The following SUFU variants were observed in gnomAD, a reference collection of about 807,000 sequenced individuals.
SUFU encodes suppressor of fused homolog.
In SUFU, 7 loss-of-function variants were observed where a neutral mutation model predicts 58.9. The ratio of observed to expected loss-of-function variants is 0.12; its 90% CI spans 0.07 to 0.22. SUFU has a LOEUF of 0.22. Among genes scored for constraint, SUFU ranks in the 10% least tolerant of loss-of-function variants. The pLI is 1.00. For synonymous variants in SUFU, 232 were observed against 254.8 expected, an observed-to-expected ratio of 0.91 and a Z score of 0.85; for missense variants, 451 against 641.3, an observed-to-expected ratio of 0.70 and a Z score of 3.20.
chr10:102,571,271 G>A (rs1221827013), intron 3 of SUFU, among the ~76,000 whole-genome samples: 1 of 152,308 alleles, frequency 6.6e-6, no homozygotes, highest in East Asian at 1.9e-4. Flanking sequence ...CACTAAGATG[G>A]CCAGTGACTG....
intron 3 of SUFU, among the ~76,000 whole-genome samples, chr10:102,562,927 A>G (rs1296718003): frequency 6.6e-6 from 1 of 152,188 alleles, no homozygotes; most frequent in Non-Finnish European, 1.5e-5. Context: ...CACCAATATC[A>G]TAGGTACTTA....
At chr10:102,595,723 A>C (rs1415240457) in intron 6 of SUFU, among the ~76,000 whole-genome samples, 1 of 152,158 alleles carries the variant, frequency 6.6e-6, no homozygotes, top group African/African-American at 2.4e-5. Context: ...TCTGTGCACC[A>C]AGTGTGAACT....
Position 102,618,929 on chromosome 10 carries a change from A to C in SUFU, c.1296+1501A>C. On this transcript the variant is annotated intron_variant, in intron 10 of 11. Coordinates refer to ENST00000369902, the MANE Select transcript of SUFU (RefSeq NM_016169.4). ...TCATCATTCCCAAGTGTCCTCAGGT[A>C]GCGTGTGTGTGTGTGTGTGTGTGTG... 6.5e-6 allele frequency: 4 copies of C among 619,764 alleles called. No individual in the cohort carries two copies. The African/African-American group carries it at 1.3e-4, about 20-fold the overall frequency. The allele number at this position is 619,764 out of a possible 1,614,324, so 38.4% of individuals were successfully genotyped here. A position where few individuals can be genotyped will look rare whatever the true frequency, so the allele number is the denominator to read the frequency against.
At position 102,504,342 on chromosome 10, in the gene SUFU, C is replaced by G. The variant is rs751208244; in HGVS notation, c.182+8C>G. 2.5e-6 allele frequency: 4 copies of G among 1,613,952 alleles called. No homozygotes were observed. In the East Asian group the frequency reaches 8.9e-5, roughly 36 times the overall value. On this transcript the variant is annotated splice_region_variant and intron_variant, in intron 1 of 11. Coordinates refer to ENST00000369902, the MANE Select transcript of SUFU (RefSeq NM_016169.4). Reference sequence around the variant, plus strand: ...CGCTATCGTCAAGTACTGGTATGCTCTGGGCCGCGGGGAGACGGACAGGCG... The same window carrying G: ...CGCTATCGTCAAGTACTGGTATGCTGTGGGCCGCGGGGAGACGGACAGGCG...
rs79718295 is a variant in SUFU at position 102,580,863 on chromosome 10, A to G, written c.455-11719A>G. Among the ~76,000 whole-genome samples the G allele has an allele frequency of 5.3e-3, 807 of 152,234 alleles. 4 individuals are homozygous for G. Among genetic ancestry groups the G allele is most frequent in the African/African-American group, 0.019 (770 of 41,538 alleles). On this transcript the variant is annotated intron_variant, in intron 3 of 11. Transcript: ENST00000369902. ...TTCTGGCAATAGACTAGGCACACAC[A>G]TCCCTATTCTCCTCTCTGGTCTAGA...
rs578015238 is a variant in SUFU at position 102,590,435 on chromosome 10, G to A, written c.455-2147G>A. 2.0e-5 allele frequency among the ~76,000 whole-genome samples: 3 copies of A among 152,216 alleles called. No homozygotes were observed. The East Asian group carries it at 5.8e-4, about 29-fold the overall frequency. On this transcript the variant is annotated intron_variant, in intron 3 of 11. Transcript: ENST00000369902. Reference sequence around the variant, plus strand: ...GTGCCTCGGCCTCCCAAAGTGCTGGGATTACAGGCATGAGCCACCACGCCA... The same window carrying A: ...GTGCCTCGGCCTCCCAAAGTGCTGGAATTACAGGCATGAGCCACCACGCCA...
chr10:102,546,437 G>T (rs2062856258), intron 2 of SUFU, among the ~76,000 whole-genome samples: 1 of 152,232 alleles, frequency 6.6e-6, no homozygotes, highest in South Asian at 2.1e-4. Flanking sequence ...AGACTTCTGT[G>T]TTAGAAAAAT....
chr10:102,529,943 CA>C (rs55915114), intron 2 of SUFU, among the ~76,000 whole-genome samples: 159 of 134,356 alleles, frequency 1.2e-3, no homozygotes, highest in Non-Finnish European at 1.5e-3. Flanking sequence ...GACTCCGTCT[CA>C]AAAAAAAAAA....
At chr10:102,529,037 TG>T (rs1404787368) in intron 2 of SUFU, among the ~76,000 whole-genome samples, 1 of 151,770 alleles carries the variant, frequency 6.6e-6, no homozygotes, top group African/African-American at 2.4e-5. Flanking sequence ...TCTATTATTT[TG>T]TTTTTATAAC....
chr10:102,581,180 C>CAAAA (rs71016393), intron 3 of SUFU, among the ~76,000 whole-genome samples: 58 of 75,662 alleles, frequency 7.7e-4, no homozygotes, highest in Non-Finnish European at 9.9e-4. Flanking sequence ...ACTCTGTCTC[C>CAAAA]AAAAAAAAAA....
rs7914769 is a variant in SUFU at position 102,538,920 on chromosome 10, G to T, written c.318-11050G>T. Among the ~76,000 whole-genome samples, 1,313 of 152,314 alleles carry T rather than the reference G, an allele frequency of 8.6e-3. 23 individuals carry two copies. Among genetic ancestry groups the T allele is most frequent in the African/African-American group, 0.029 (1,210 of 41,570 alleles). ...CTAGGATTTGGGCATAGGCAGCCTG[G>T]CTTCAGAGACTGTGCTCTGGCACTG... On this transcript the variant is annotated intron_variant, in intron 2 of 11. Transcript: ENST00000369902.
chr10:102,584,490 C>A (rs2063316680), intron 3 of SUFU, among the ~76,000 whole-genome samples: 1 of 152,102 alleles, frequency 6.6e-6, no homozygotes, highest in Non-Finnish European at 1.5e-5. Context: ...CCAGTTTGTT[C>A]TCTCTCAGTC....
chr10:102,552,520 A>C (rs1199888444), intron 3 of SUFU, among the ~76,000 whole-genome samples: 6 of 152,202 alleles, frequency 3.9e-5, no homozygotes, highest in African/African-American at 1.4e-4. Context: ...ACATTAAAGG[A>C]AACATGGCAG....
chr10:102,563,402 C>T (rs2063058224), intron 3 of SUFU, among the ~76,000 whole-genome samples: 1 of 151,988 alleles, frequency 6.6e-6, no homozygotes, highest in Admixed American at 6.6e-5. Flanking sequence ...GAGGCGAGGG[C>T]TCAGGAAAAG....
chr10:102,568,874 C>CAAAAAAAAA (rs59877393), intron 3 of SUFU, among the ~76,000 whole-genome samples: 1 of 14,540 alleles, frequency 6.9e-5, no homozygotes, highest in Non-Finnish European at 1.1e-4. Flanking sequence ...AACTCTGTCT[C>CAAAAAAAAA]AAAAAAAAAA....
Position 102,619,907 on chromosome 10 carries a change from A to G in SUFU, c.1296+2479A>G, listed in dbSNP as rs1165606944. Among the ~76,000 whole-genome samples, 1 of 152,072 alleles carries G rather than the reference A, an allele frequency of 6.6e-6. No homozygotes were observed. Among genetic ancestry groups the G allele is most frequent in the Non-Finnish European group, 1.5e-5 (1 of 67,998 alleles). ...TGCAGTCGCCAGTGAGGGCCACTCCACTGGGCCAAGGAGAGCCATAGGTCC... is the reference window on the plus strand; with the variant it reads ...TGCAGTCGCCAGTGAGGGCCACTCCGCTGGGCCAAGGAGAGCCATAGGTCC... On this transcript the variant is annotated intron_variant, in intron 10 of 11. Coordinates refer to ENST00000369902, the MANE Select transcript of SUFU (RefSeq NM_016169.4). The surrounding 1 kb of genome is among the most constrained non-coding windows in gnomAD (Gnocchi z 4.2).
chr10:102,580,124 C>T (rs2063260699), intron 3 of SUFU, among the ~76,000 whole-genome samples: 1 of 148,776 alleles, frequency 6.7e-6, no homozygotes, highest in Admixed American at 6.9e-5. Flanking sequence ...ATTGGAAGCC[C>T]TGCAGAGGGG....
chr10:102,542,964 G>A lies in SUFU; in HGVS notation c.318-7006G>A, dbSNP rs149950619. On this transcript the variant is annotated intron_variant, in intron 2 of 11. Transcript: ENST00000369902. ...CGCCTAACAGTGTTTATACCAATTT[G>A]TAGAGTTCTTCATTCTTTCTTACAG... is the stretch of plus-strand genomic sequence containing the variant. 7.6e-4 allele frequency among the ~76,000 whole-genome samples: 115 copies of A among 152,242 alleles called. 1 individual carries two copies. Among genetic ancestry groups the A allele is most frequent in the Non-Finnish European group, 1.0e-4 (7 of 68,016 alleles).
At chr10:102,516,565 T>C (rs1268213796) in intron 2 of SUFU, among the ~76,000 whole-genome samples, 4 of 152,050 alleles carry the variant, frequency 2.6e-5, no homozygotes, top group Non-Finnish European at 1.5e-5. Flanking sequence ...TTTCTTTTTT[T>C]TGAGACAGAG....
Sources: allele counts gnomAD v4.1 joint callset (sites outside exome capture counted in the v4.1 genomes callset), GRCh38; gene constraint gnomAD v4.1.1; non-coding constraint Gnocchi (gnomAD v3.1); transcripts MANE v1.5; gene names NCBI Gene and HGNC (gene_info 2026-07-23, HGNC 2026-07-21).